The following UBE2D4 variants were observed in gnomAD, a reference collection of about 807,000 sequenced individuals.
The protein encoded by UBE2D4 is ubiquitin-conjugating enzyme E2 D4.
Under a neutral mutation model 23.0 loss-of-function variants are expected in UBE2D4, and 17 were observed. That is an observed-to-expected ratio of 0.74 (90% CI 0.51 to 1.11). The LOEUF is 1.11. UBE2D4 is among the 50% of genes least tolerant of loss of function. UBE2D4 has a pLI of 0.00. For missense variants in UBE2D4, 139 were observed against 181.8 expected, an observed-to-expected ratio of 0.76 and a Z score of 1.35; for synonymous variants, 61 against 69.4, an observed-to-expected ratio of 0.88 and a Z score of 0.60.
At chr7:43,947,491 C>T (rs1482466292) in intron 4 of UBE2D4, among the ~76,000 whole-genome samples, 1 of 152,162 alleles carries the variant, frequency 6.6e-6, no homozygotes, top group East Asian at 1.9e-4. Context: ...CAGTTTCATC[C>T]ATGTCTCTGC....
At chr7:43,931,072 G>A (rs1305608118) in intron 1 of UBE2D4, among the ~76,000 whole-genome samples, 3 of 150,580 alleles carry the variant, frequency 2.0e-5, no homozygotes, top group Non-Finnish European at 4.4e-5. Flanking sequence ...TTCAGTGAGC[G>A]ATCATGCCAC....
At chr7:43,939,375 C>T (rs2095965997) in intron 2 of UBE2D4, among the ~76,000 whole-genome samples, 1 of 152,258 alleles carries the variant, frequency 6.6e-6, no homozygotes, top group African/African-American at 2.4e-5. Context: ...TCTGCTGTCC[C>T]TCACAGGTGC....
intron 1 of UBE2D4, among the ~76,000 whole-genome samples, chr7:43,932,211 G>A (rs183569353): frequency 2.5e-4 from 38 of 150,730 alleles, no homozygotes; most frequent in African/African-American, 8.3e-4. Context: ...GGATGGTCTC[G>A]ATCTCCTGAC....
chr7:43,952,752 C>T lies in UBE2D4; in HGVS notation c.*57C>T. On this transcript the variant is annotated 3_prime_UTR_variant, in exon 7 of 7. Transcript: ENST00000222402. ...CAAGAGAAGCTGGCAGAGAGGTCTT[C>T]CCTTAAAACTTTGGGCTGTTGGCTG... 6.7e-7 allele frequency: 1 copy of T among 1,484,248 alleles called. No homozygotes were observed. The allele number at this position is 1,484,248 out of a possible 1,614,324, so 91.9% of individuals were successfully genotyped here.
chr7:43,942,958 A>G lies in UBE2D4; in HGVS notation c.125A>G (p.Asp42Gly). The change falls in exon 4 of 7, where the codon GAC becomes GGC. Residue 42 changes from aspartate (D) to glycine (G), a missense_variant. Asp to Gly is a moderately conservative substitution (Grantham distance 94). Transcript: ENST00000222402. ...TTCTGTGTCTCATCCTTCCAGAATG[A>G]CAGTCCTTACCAAGGAGGTGTTTTC... is the stretch of plus-strand genomic sequence containing the variant. ...HWQATIMGPN[D>G]SPYQGGVFFL... 6.2e-7 allele frequency: 1 copy of G among 1,614,104 alleles called. No homozygotes were observed. Among genetic ancestry groups the G allele is most frequent in the Non-Finnish European group, 8.5e-7 (1 of 1,180,012 alleles).
At chr7:43,928,064 A>G (rs2095936879) in intron 1 of UBE2D4, 1 of 454,592 alleles carries the variant, frequency 2.2e-6, no homozygotes, top group Non-Finnish European at 4.4e-6. Flanking sequence ...GGCCTCAGGA[A>G]GCTTACAATC....
rs1469126547 is a variant in UBE2D4 at position 43,950,630 on chromosome 7, C to T, written c.336C>T (p.Asp112=). Reference sequence around the variant, plus strand: ...TGTCCATCTGCTCGCTGCTCTGCGACCCCAACCCCGATGACCCCCTGGTGC... The same window carrying T: ...TGTCCATCTGCTCGCTGCTCTGCGATCCCAACCCCGATGACCCCCTGGTGC... The part of the protein sequence containing the change: ...VLLSICSLLC[D]PNPDDPLVPE... Residue 112 remains aspartate (D), a synonymous_variant, in exon 6 of 7, where the codon GAC becomes GAT. Transcript: ENST00000222402. 2.5e-6 allele frequency: 4 copies of T among 1,614,114 alleles called. No homozygotes were observed. Among genetic ancestry groups the T allele is most frequent in the Admixed American group, 1.7e-5 (1 of 60,016 alleles).
chr7:43,952,826 A>G lies in UBE2D4; in HGVS notation c.*131A>G. The G allele has an allele frequency of 2.6e-6, 2 of 763,004 alleles. No individual in the cohort carries two copies. Among genetic ancestry groups the G allele is most frequent in the Middle Eastern group, 5.7e-4 (2 of 3,490 alleles). 47.3% of individuals were successfully genotyped at this position (763,004 alleles called of 1,614,324 possible). A position where few individuals can be genotyped will look rare whatever the true frequency, so the allele number is the denominator to read the frequency against. On this transcript the variant is annotated 3_prime_UTR_variant, in exon 7 of 7. Coordinates refer to ENST00000222402, the MANE Select transcript of UBE2D4 (RefSeq NM_015983.4). ...TTCTTCAAACAAATGTTGGTCACCC[A>G]CTCTCTCCAGCTGCAGCATGTTGGT...
chr7:43,950,677 A>C lies in UBE2D4; in HGVS notation c.383A>C (p.Lys128Thr), dbSNP rs2096000324. ...PLVPEIAHTY[K>T]ADREKYNRLA... ...GTGCCAGAGATAGCACACACCTACA[A>C]GGCCGACAGAGAGAAGTACGTGTCC... Residue 128 changes from lysine (K) to threonine (T), a missense_variant, in exon 6 of 7, where the codon AAG becomes ACG. Coordinates refer to ENST00000222402, the MANE Select transcript of UBE2D4 (RefSeq NM_015983.4). 6.2e-7 allele frequency: 1 copy of C among 1,614,030 alleles called. No homozygotes were observed. Among genetic ancestry groups the C allele is most frequent in the African/African-American group, 1.3e-5 (1 of 74,922 alleles).
rs201484277 is a variant in UBE2D4 at position 43,926,523 on chromosome 7, G to C, written c.-10G>C. 143 of 1,532,784 alleles carry C rather than the reference G, an allele frequency of 9.3e-5. No individual in the cohort carries two copies. The highest frequency in any genetic ancestry group is 2.0e-5 in the Non-Finnish European group (23 of 1,141,550). The allele number at this position is 1,532,784 out of a possible 1,614,324, so 94.9% of individuals were successfully genotyped here. A position where few individuals can be genotyped will look rare whatever the true frequency, so the allele number is the denominator to read the frequency against. On this transcript the variant is annotated 5_prime_UTR_variant, in exon 1 of 7. Coordinates refer to ENST00000222402, the MANE Select transcript of UBE2D4 (RefSeq NM_015983.4). Reference sequence around the variant, plus strand: ...GGCCGGGCCGCCCGGGTCCCCGGCAGCGGGGTAGGATGGCGCTAAAGCGGA... The same window carrying C: ...GGCCGGGCCGCCCGGGTCCCCGGCACCGGGGTAGGATGGCGCTAAAGCGGA...
At position 43,952,780 on chromosome 7, in the gene UBE2D4, C is replaced by G; in HGVS notation, c.*85C>G. On this transcript the variant is annotated 3_prime_UTR_variant, in exon 7 of 7. Coordinates refer to ENST00000222402, the MANE Select transcript of UBE2D4 (RefSeq NM_015983.4). ...TTAAAACTTTGGGCTGTTGGCTGAG[C>G]CATTCAAAGAGCATCATCTGTTCTT... The G allele has an allele frequency of 1.8e-6, 2 of 1,126,116 alleles. No homozygotes were observed. The highest frequency in any genetic ancestry group is 2.7e-6 in the Non-Finnish European group (2 of 737,912). The allele number at this position is 1,126,116 out of a possible 1,614,324, so 69.8% of individuals were successfully genotyped here.
intron 2 of UBE2D4, among the ~76,000 whole-genome samples, chr7:43,940,407 T>G (rs1045119239): frequency 6.6e-6 from 1 of 152,144 alleles, no homozygotes; most frequent in Admixed American, 6.5e-5. Flanking sequence ...TAAACTGGGG[T>G]CGCTGTAAGC....
chr7:43,933,759 A>G (rs1367027100), intron 1 of UBE2D4, among the ~76,000 whole-genome samples: 1 of 152,174 alleles, frequency 6.6e-6, no homozygotes. Flanking sequence ...ATAAAAATAA[A>G]AAATAAAGAG....
At position 43,953,975 on chromosome 7, in the gene UBE2D4, A is replaced by G. The variant is rs1248343958; in HGVS notation, c.*1280A>G. Reference sequence around the variant, plus strand: ...ATGGGGCTTTTGCCGGCTGATTGAAAGGAAGTCTACAGACCTAACATAAGC... The same window carrying G: ...ATGGGGCTTTTGCCGGCTGATTGAAGGGAAGTCTACAGACCTAACATAAGC... On this transcript the variant is annotated 3_prime_UTR_variant, in exon 7 of 7. Coordinates refer to ENST00000222402, the MANE Select transcript of UBE2D4 (RefSeq NM_015983.4). 1.3e-5 allele frequency: 2 copies of G among 152,268 alleles called. No homozygotes were observed. Among genetic ancestry groups the G allele is most frequent in the Non-Finnish European group, 2.9e-5 (2 of 68,068 alleles). 9.4% of individuals were successfully genotyped at this position (152,268 alleles called of 1,614,324 possible). A position where few individuals can be genotyped will look rare whatever the true frequency, so the allele number is the denominator to read the frequency against.
chr7:43,939,318 A>G (rs2095965792), intron 2 of UBE2D4, among the ~76,000 whole-genome samples: 1 of 152,262 alleles, frequency 6.6e-6, no homozygotes, highest in Admixed American at 6.5e-5. Context: ...AGCTCTGGGC[A>G]GCTTCTTGGG....
intron 1 of UBE2D4, among the ~76,000 whole-genome samples, chr7:43,929,099 T>TG (rs1287960815): frequency 6.6e-6 from 1 of 151,978 alleles, no homozygotes; most frequent in Non-Finnish European, 1.5e-5. Flanking sequence ...GGAGACCAAC[T>TG]GGGCAACACA....
At chr7:43,928,205 G>C in intron 1 of UBE2D4, 1 of 302,250 alleles carries the variant, frequency 3.3e-6, no homozygotes, top group Non-Finnish European at 6.7e-6. Flanking sequence ...TTGTGGGGGG[G>C]CCACCAAGCC....
At position 43,926,514 on chromosome 7, in the gene UBE2D4, T is replaced by A; in HGVS notation, c.-19T>A. Reference sequence around the variant, plus strand: ...GGCAGCCCCGGCCGGGCCGCCCGGGTCCCCGGCAGCGGGGTAGGATGGCGC... The same window carrying A: ...GGCAGCCCCGGCCGGGCCGCCCGGGACCCCGGCAGCGGGGTAGGATGGCGC... On this transcript the variant is annotated 5_prime_UTR_variant, in exon 1 of 7. Coordinates refer to ENST00000222402, the MANE Select transcript of UBE2D4 (RefSeq NM_015983.4). 3 of 1,522,648 alleles carry A rather than the reference T, an allele frequency of 2.0e-6. No individual in the cohort carries two copies. Among genetic ancestry groups the A allele is most frequent in the East Asian group, 2.7e-5 (1 of 36,466 alleles). 94.3% of individuals were successfully genotyped at this position (1,522,648 alleles called of 1,614,324 possible).
intron 6 of UBE2D4, among the ~76,000 whole-genome samples, chr7:43,951,685 C>G (rs2096002793): frequency 1.3e-5 from 2 of 152,082 alleles, no homozygotes; most frequent in African/African-American, 2.4e-5. Context: ...CGTGTCCCAC[C>G]ACACCTGGCT....
Sources: allele counts gnomAD v4.1 joint callset (sites outside exome capture counted in the v4.1 genomes callset), GRCh38; gene constraint gnomAD v4.1.1; transcripts MANE v1.5; gene names NCBI Gene and HGNC (gene_info 2026-07-23, HGNC 2026-07-21).